BANK1: variants seen among roughly 807,000 people sequenced by gnomAD.
BANK1 encodes the protein B cell scaffold protein with ankyrin repeats 1.
Under a neutral mutation model 94.5 loss-of-function variants are expected in BANK1, and 95 were observed. The ratio of observed to expected loss-of-function variants is 1.00; its 90% CI spans 0.85 to 1.19. BANK1 has a LOEUF of 1.19. BANK1 is among the 50% of genes most tolerant of loss of function. The pLI is 0.00. For missense variants in BANK1, 987 were observed against 932.2 expected (o/e 1.06, Z -0.77); for synonymous variants, 334 against 308.4 (o/e 1.08, Z -0.87).
chr4:101,974,418 C>T (rs1725056617), intron 7 of BANK1, among the ~76,000 whole-genome samples: 1 of 152,186 alleles, frequency 6.6e-6, no homozygotes, highest in South Asian at 2.1e-4. Context: ...GTTCATAATA[C>T]CTCCTACCTT....
At chr4:101,968,167 T>G (rs1424681710) in intron 7 of BANK1, among the ~76,000 whole-genome samples, 1 of 152,062 alleles carries the variant, frequency 6.6e-6, no homozygotes, top group Non-Finnish European at 1.5e-5. Context: ...AGTTACTCAT[T>G]GAGTCTTACG....
chr4:102,016,716 T>C (rs1578457773), intron 7 of BANK1, among the ~76,000 whole-genome samples: 1 of 152,322 alleles, frequency 6.6e-6, no homozygotes, highest in African/African-American at 2.4e-5. Flanking sequence ...AAACCTTCTC[T>C]CCTGATTTTT....
At chr4:101,810,893 A>G (rs1725713166) in intron 1 of BANK1, among the ~76,000 whole-genome samples, 1 of 152,182 alleles carries the variant, frequency 6.6e-6, no homozygotes, top group African/African-American at 2.4e-5. Context: ...CCTTTATTAT[A>G]GGTATCATGA....
chr4:101,924,550 T>G (rs1723094650), intron 7 of BANK1, among the ~76,000 whole-genome samples: 1 of 151,762 alleles, frequency 6.6e-6, no homozygotes, highest in South Asian at 2.1e-4. Context: ...GTCAGGATGA[T>G]GTACAGCTAG....
At chr4:101,795,420 G>GT (rs1281907456) in intron 1 of BANK1, among the ~76,000 whole-genome samples, 7 of 150,998 alleles carry the variant, frequency 4.6e-5, no homozygotes, top group South Asian at 2.1e-4. Flanking sequence ...AAGTCACCAT[G>GT]TTTTTTTTTC....
Position 101,820,707 on chromosome 4 carries a change from T to C in BANK1, c.71-9101T>C, listed in dbSNP as rs570638707. On this transcript the variant is annotated intron_variant, in intron 1 of 16. Transcript: ENST00000322953. The stretch of plus-strand genomic sequence containing the variant: ...ATTCTTATCATTTAGCTCCCACTTA[T>C]AAGTGAGAACATGTGGTATTTGGTT... 3.3e-5 allele frequency among the ~76,000 whole-genome samples: 5 copies of C among 152,362 alleles called. No homozygotes were observed. The South Asian group carries it at 1.0e-3, about 32-fold the overall frequency.
intron 7 of BANK1, among the ~76,000 whole-genome samples, chr4:101,936,442 A>G (rs1723559215): frequency 6.7e-6 from 1 of 150,228 alleles, no homozygotes; most frequent in African/African-American, 2.4e-5. Context: ...AGATGTATAC[A>G]TGTTTGCATA....
At chr4:101,906,472 T>G (rs1481527975) in intron 6 of BANK1, among the ~76,000 whole-genome samples, 2 of 152,140 alleles carry the variant, frequency 1.3e-5, no homozygotes, top group Non-Finnish European at 1.5e-5. Flanking sequence ...GGCAACCACT[T>G]TTTGCCCAGT....
At chr4:101,830,968 G>C (rs1171390260) in intron 2 of BANK1, among the ~76,000 whole-genome samples, 1 of 152,128 alleles carries the variant, frequency 6.6e-6, no homozygotes, top group African/African-American at 2.4e-5. Context: ...TATTCGCTGG[G>C]AATGTCTCTC....
intron 7 of BANK1, among the ~76,000 whole-genome samples, chr4:102,003,364 G>T (rs1726140574): frequency 6.6e-6 from 1 of 152,178 alleles, no homozygotes; most frequent in Non-Finnish European, 1.5e-5. Context: ...GCTGACTTCA[G>T]TTAGGGCAGC....
chr4:102,058,266 T>G (rs1357108728), intron 11 of BANK1, among the ~76,000 whole-genome samples: 3 of 152,124 alleles, frequency 2.0e-5, no homozygotes, highest in Non-Finnish European at 2.9e-5. Context: ...TTGATGTTTA[T>G]ATGACCAATA....
chr4:102,044,055 A>G, intron 11 of BANK1, 148 bp downstream of exon 11: 1 of 484,030 alleles, frequency 2.1e-6, no homozygotes, highest in Admixed American at 3.3e-5. Context: ...TTATACTTTA[A>G]GTTTTAGGGT....
In BANK1 at chr4:102,073,703, T is replaced by G; in HGVS notation, c.2318T>G (p.Val773Gly). Residue 773 changes from valine (V) to glycine (G), a missense_variant, in exon 16 of 17, where the codon GTT becomes GGT. Coordinates refer to ENST00000322953, the MANE Select transcript of BANK1 (RefSeq NM_017935.5). ...FSNKLPARPQVEKEFGFCCKK... is the reference protein window; with the variant it reads ...FSNKLPARPQGEKEFGFCCKK... ...TTTCAGCTTCCTGCTCGACCCCAAG[T>G]TGAAAAGGAATTTGGTTTCTGTTGC... 1.9e-6 allele frequency: 3 copies of G among 1,611,818 alleles called. No individual in the cohort carries two copies. The highest frequency in any genetic ancestry group is 2.5e-6 in the Non-Finnish European group (3 of 1,178,780).
chr4:101,818,586 G>A (rs549637924), intron 1 of BANK1, among the ~76,000 whole-genome samples: 51 of 152,140 alleles, frequency 3.4e-4, no homozygotes, highest in African/African-American at 1.2e-3. Flanking sequence ...TTAGTTATCC[G>A]TGGTCAGCCA....
At chr4:101,821,357 T>A (rs939202621) in intron 1 of BANK1, among the ~76,000 whole-genome samples, 4 of 152,212 alleles carry the variant, frequency 2.6e-5, no homozygotes, top group Non-Finnish European at 5.9e-5. Context: ...ATATTTGACC[T>A]TTGTCAGATG....
chr4:101,921,371 C>T (rs894867788), intron 7 of BANK1, among the ~76,000 whole-genome samples: 5 of 151,886 alleles, frequency 3.3e-5, no homozygotes, highest in Non-Finnish European at 7.4e-5. Flanking sequence ...AAGCCCAGGA[C>T]ATTTTAAATA....
At chr4:102,057,261 TCTCTCTCTCTCTCCTG>T (rs1463044595) in intron 11 of BANK1, among the ~76,000 whole-genome samples, 8 of 151,542 alleles carry the variant, frequency 5.3e-5, no homozygotes, top group African/African-American at 1.9e-4. Context: ...TCTTTCTCTT[TCTCTCTCTCTCTCCTG>T]CTCTCTCTCT....
intron 7 of BANK1, among the ~76,000 whole-genome samples, chr4:102,013,630 G>A (rs1726591352): frequency 6.6e-6 from 1 of 151,834 alleles, no homozygotes. Context: ...TCTGTCAGGT[G>A]TGATTTCTCG....
At chr4:102,000,687 T>C (rs1435338576) in intron 7 of BANK1, among the ~76,000 whole-genome samples, 1 of 152,234 alleles carries the variant, frequency 6.6e-6, no homozygotes, top group African/African-American at 2.4e-5. Context: ...TCTTCTAAAC[T>C]AGCAATGTAG....
Sources: allele counts gnomAD v4.1 joint callset (sites outside exome capture counted in the v4.1 genomes callset), GRCh38; gene constraint gnomAD v4.1.1; transcripts MANE v1.5; gene names NCBI Gene and HGNC (gene_info 2026-07-23, HGNC 2026-07-21).